Variants in HERC4 observed in about 807,000 individuals in gnomAD.
The protein encoded by HERC4 is HECT and RLD domain containing E3 ubiquitin protein ligase 4, also known as probable E3 ubiquitin-protein ligase HERC4.
HERC4 carries 28 observed loss-of-function variants against 124.3 expected under a neutral mutation model. That is an observed-to-expected ratio of 0.23 (90% CI 0.17 to 0.31). HERC4 has a LOEUF of 0.31. Among genes scored for constraint, HERC4 ranks in the 10% least tolerant of loss-of-function variants. The probability of loss-of-function intolerance (pLI) is 1.00; values close to 1 mark genes in which losing one functional copy is unlikely to be tolerated. For synonymous variants in HERC4, 407 were observed against 421.5 expected, an observed-to-expected ratio of 0.97 and a Z score of 0.42; for missense variants, 713 against 1,229.3, an observed-to-expected ratio of 0.58 and a Z score of 6.28.
At chr10:68,010,418 A>G (rs2037874500) in intron 9 of HERC4, 1 of 956,340 alleles carries the variant, frequency 1.0e-6, no homozygotes, top group African/African-American at 1.6e-5. Flanking sequence ...CTCATGGTGC[A>G]TAATCACTGC....
intron 8 of HERC4, among the ~76,000 whole-genome samples, 169 bp from the exon 9 acceptor site, chr10:68,014,355 T>C (rs1264633632): frequency 2.6e-5 from 4 of 152,238 alleles, no homozygotes; most frequent in Admixed American, 2.6e-4. Context: ...ACTTAATCTA[T>C]AGAATGAATT....
At chr10:68,073,361 T>C (rs1470456851) in intron 2 of HERC4, among the ~76,000 whole-genome samples, 175 bp from the exon 3 acceptor site, 1 of 152,194 alleles carries the variant, frequency 6.6e-6, no homozygotes, top group Non-Finnish European at 1.5e-5. Flanking sequence ...TTAAAATGTA[T>C]CATACAGAAA....
chr10:68,019,657 G>A (rs906705595), intron 8 of HERC4, among the ~76,000 whole-genome samples: 1 of 152,154 alleles, frequency 6.6e-6, no homozygotes, highest in African/African-American at 2.4e-5. Flanking sequence ...ATTTCCAAGA[G>A]AAGAGTTGGA....
intron 3 of HERC4, among the ~76,000 whole-genome samples, chr10:68,052,708 C>A (rs556911210): frequency 1.3e-5 from 2 of 152,256 alleles, no homozygotes; most frequent in East Asian, 3.9e-4. Context: ...TATAGAGTAT[C>A]ATCAACTCCA....
At chr10:68,019,527 C>A (rs1023585007) in intron 8 of HERC4, among the ~76,000 whole-genome samples, 3 of 152,088 alleles carry the variant, frequency 2.0e-5, no homozygotes, top group Non-Finnish European at 4.4e-5. Flanking sequence ...CAGGGGGATT[C>A]TTGGAAAATC....
chr10:68,039,715 C>T, intron 4 of HERC4: 2 of 1,335,716 alleles, frequency 1.5e-6, no homozygotes, highest in African/African-American at 1.5e-5. Context: ...CAAACACTGG[C>T]AATGCAAACA....
At chr10:67,960,964 G>A in intron 16 of HERC4, 1 of 357,792 alleles carries the variant, frequency 2.8e-6, no homozygotes, top group Non-Finnish European at 5.3e-6. Context: ...CTTGGATCAT[G>A]ATTTTCATCA....
At chr10:67,991,795 T>C (rs2036565921) in intron 11 of HERC4, among the ~76,000 whole-genome samples, 1 of 152,258 alleles carries the variant, frequency 6.6e-6, no homozygotes, top group South Asian at 2.1e-4. Flanking sequence ...AGGCCAATCC[T>C]AAAATGGCTA....
chr10:67,974,073 TACACACACACACACACACACAC>T (rs57454971), intron 15 of HERC4, among the ~76,000 whole-genome samples: 4 of 96,060 alleles, frequency 4.2e-5, no homozygotes, highest in Non-Finnish European at 6.0e-5. Context: ...AAAATTACTG[TACACACACACACACACACACAC>T]ACACACACAC....
At chr10:67,996,274 A>G (rs781335936) in intron 9 of HERC4, 4 of 331,666 alleles carry the variant, frequency 1.2e-5, no homozygotes, top group Non-Finnish European at 1.8e-5. Context: ...TTCTTTACAA[A>G]ATATATTGTC....
At chr10:67,923,531 C>T (rs1212743762) in intron 24 of HERC4, among the ~76,000 whole-genome samples, 1 of 151,792 alleles carries the variant, frequency 6.6e-6, no homozygotes, top group Non-Finnish European at 1.5e-5. Flanking sequence ...TTTTTTAAAT[C>T]AGAAATTTAT....
chr10:68,039,760 C>T (rs996711555), intron 4 of HERC4: 7 of 1,222,874 alleles, frequency 5.7e-6, no homozygotes, highest in Non-Finnish European at 7.2e-6. Context: ...ACATACCCAA[C>T]TGTGCTCAAA....
intron 3 of HERC4, among the ~76,000 whole-genome samples, chr10:68,045,059 G>A (rs947703617): frequency 3.3e-5 from 5 of 152,338 alleles, no homozygotes; most frequent in African/African-American, 4.8e-5. Context: ...GCTGGCTCAC[G>A]CCCATAATAC....
At chr10:68,071,798 TA>T (rs921583947) in intron 3 of HERC4, among the ~76,000 whole-genome samples, 35 of 152,150 alleles carry the variant, frequency 2.3e-4, no homozygotes, top group African/African-American at 8.4e-4. Context: ...ATTTATCCAA[TA>T]AAAAATAAAT....
intron 4 of HERC4, among the ~76,000 whole-genome samples, chr10:68,040,905 AAGAAAAAG>A (rs1332493411): frequency 6.6e-6 from 1 of 151,640 alleles, no homozygotes; most frequent in Non-Finnish European, 1.5e-5. Flanking sequence ...AAAAAAAAGA[AAGAAAAAG>A]AAAAAAAGAA....
intron 3 of HERC4, among the ~76,000 whole-genome samples, chr10:68,046,317 G>A (rs1389877775): frequency 6.6e-6 from 1 of 152,152 alleles, no homozygotes; most frequent in Non-Finnish European, 1.5e-5. Context: ...GACAAGACAG[G>A]TAAGTAAGAC....
At chr10:67,928,358 A>G (rs1048782522) in intron 23 of HERC4, among the ~76,000 whole-genome samples, 1 of 152,148 alleles carries the variant, frequency 6.6e-6, no homozygotes, top group African/African-American at 2.4e-5. Context: ...AGATCAATTT[A>G]CTACTACACA....
intron 5 of HERC4, 50 bp downstream of exon 5, chr10:68,038,043 A>G (rs1171486357): frequency 2.0e-6 from 2 of 1,023,482 alleles, no homozygotes; most frequent in African/African-American, 1.7e-5. Flanking sequence ...CAATCAAAAA[A>G]GTATCAAGTA....
chr10:67,994,188 A>G (rs888666523), intron 9 of HERC4: 1 of 152,224 alleles, frequency 6.6e-6, no homozygotes, highest in Non-Finnish European at 1.5e-5. Context: ...GTAAATCTTT[A>G]TTAAATAAGC....
Sources: gnomAD v4.1 joint callset for allele counts (sites outside exome capture counted in the v4.1 genomes callset) on GRCh38, gnomAD v4.1.1 for gene constraint, MANE v1.5 for transcripts, NCBI Gene and HGNC (gene_info 2026-07-23, HGNC 2026-07-21) for gene names.